RYR3: variants seen among roughly 807,000 people sequenced by gnomAD.
The protein encoded by RYR3 is brain ryanodine receptor-calcium release channel.
RYR3 carries 207 observed loss-of-function variants against 584.3 expected under a neutral mutation model. The ratio of observed to expected loss-of-function variants is 0.35; its 90% CI spans 0.32 to 0.40. The LOEUF (loss-of-function observed/expected upper bound fraction) is 0.40. Among genes scored for constraint, RYR3 ranks in the 10% least tolerant of loss-of-function variants. RYR3 has a pLI of 1.00. For synonymous variants in RYR3, 2,416 were observed against 2,248.5 expected, an observed-to-expected ratio of 1.07 and a Z score of -2.11; for missense variants, 5,616 against 6,089.2, an observed-to-expected ratio of 0.92 and a Z score of 2.59.
intron 65 of RYR3, 103 bp downstream of exon 65, chr15:33,780,444 G>C: frequency 8.0e-7 from 1 of 1,249,502 alleles, no homozygotes; most frequent in Non-Finnish European, 1.1e-6. Context: ...GGCTTTCTTG[G>C]TCTGAGAGGA....
chr15:33,504,959 G>A (rs183606094), intron 3 of RYR3, among the ~76,000 whole-genome samples: 62 of 152,308 alleles, frequency 4.1e-4, no homozygotes, highest in African/African-American at 1.5e-3. Context: ...CAAGTCTGTT[G>A]CTGGGACAAC....
At chr15:33,432,686 G>C (rs1236595633) in intron 1 of RYR3, among the ~76,000 whole-genome samples, 2 of 148,438 alleles carry the variant, frequency 1.3e-5, no homozygotes, top group Non-Finnish European at 3.0e-5. Context: ...GTGTGTGTGT[G>C]TGTGTGTGTG....
rs750516836 is a variant in RYR3 at position 33,649,197 on chromosome 15, T to A, written c.4104T>A (p.Thr1368=). 2 of 1,613,694 alleles carry A rather than the reference T, an allele frequency of 1.2e-6. No individual in the cohort carries two copies. Among genetic ancestry groups the A allele is most frequent in the Non-Finnish European group, 1.7e-6 (2 of 1,179,852 alleles). ...ACCTGAATAAAAACTGCACAGTGACTGTCACCCTAGGGGATGAAAGAGGCC... is the reference window on the plus strand; with the variant it reads ...ACCTGAATAAAAACTGCACAGTGACAGTCACCCTAGGGGATGAAAGAGGCC... ...KFDLNKNCTV[T]VTLGDERGRV... The change falls in exon 31 of 104, where the codon ACT becomes ACA. Residue 1368 remains threonine (T), a synonymous_variant. Transcript: ENST00000634891.
chr15:33,373,706 T>C (rs16970283), intron 1 of RYR3, among the ~76,000 whole-genome samples: 52,862 of 152,036 alleles, frequency 0.35, 9,443 homozygotes, highest in African/African-American at 0.44. Flanking sequence ...TGTATGTAAT[T>C]TTAGTAAAAG....
chr15:33,395,953 G>GA (rs1431433945), intron 1 of RYR3, among the ~76,000 whole-genome samples: 1 of 152,188 alleles, frequency 6.6e-6, no homozygotes, highest in Non-Finnish European at 1.5e-5. Flanking sequence ...ACTGCAGATG[G>GA]AAACCCACGC....
intron 12 of RYR3, among the ~76,000 whole-genome samples, chr15:33,574,469 G>T (rs680792): frequency 0.81 from 123,504 of 152,090 alleles, 50,539 homozygotes; most frequent in Middle Eastern, 0.94. Context: ...TCTAATAATA[G>T]CCCAGGTAGT....
chr15:33,464,411 A>G (rs966845578), intron 1 of RYR3, among the ~76,000 whole-genome samples: 10 of 147,956 alleles, frequency 6.8e-5, no homozygotes, highest in African/African-American at 1.7e-4. Flanking sequence ...ACCAGTATAG[A>G]TAAAACCAAG....
At chr15:33,578,785 C>A (rs200159368) in intron 12 of RYR3, among the ~76,000 whole-genome samples, 79 of 149,678 alleles carry the variant, frequency 5.3e-4, no homozygotes, top group African/African-American at 1.7e-3. Context: ...AAAACAACAA[C>A]AAAAAAAAAC....
Position 33,731,583 on chromosome 15 carries a change from G to C in RYR3, c.7313G>C (p.Cys2438Ser), listed in dbSNP as rs768708642. ...CCTCTCTTTGCCGGAACAGAACACT[G>C]CACCTCTCTGATTGATTCCACACTG... The part of the protein sequence containing the change: ...CAPLFAGTEH[C>S]TSLIDSTLQT... The change falls in exon 48 of 104, where the codon TGC (cysteine) becomes TCC (serine). Residue 2438 changes from cysteine to serine, a missense_variant. This residue lies in a region of RYR3 where 1,280 missense variants were observed against 1,426.2 expected (regional missense o/e 0.90). Transcript: ENST00000634891. 6.2e-7 allele frequency: 1 copy of C among 1,613,736 alleles called. No homozygotes were observed. Among genetic ancestry groups the C allele is most frequent in the East Asian group, 2.2e-5 (1 of 44,884 alleles).
At chr15:33,552,987 T>C (rs576032284) in intron 10 of RYR3, among the ~76,000 whole-genome samples, 1 of 152,230 alleles carries the variant, frequency 6.6e-6, no homozygotes, top group African/African-American at 2.4e-5. Context: ...CACTGAATCA[T>C]CTCGCCAGCC....
At chr15:33,768,794 A>G in intron 61 of RYR3, 87 bp downstream of exon 61, 1 of 1,324,060 alleles carries the variant, frequency 7.6e-7, no homozygotes. Flanking sequence ...TCCTCAGACA[A>G]CCCGGGCCTT....
intron 1 of RYR3, among the ~76,000 whole-genome samples, chr15:33,455,323 C>G (rs1384178695): frequency 1.9e-5 from 2 of 107,626 alleles, no homozygotes; most frequent in African/African-American, 8.5e-5. Context: ...GTCTAGAGGT[C>G]AGATAAGATG....
At chr15:33,646,191 C>T (rs2062092958) in intron 28 of RYR3, 160 bp from the exon 29 acceptor site, 4 of 600,878 alleles carry the variant, frequency 6.7e-6, no homozygotes, top group Non-Finnish European at 1.2e-5. Context: ...CGGGACAAGG[C>T]CCAAGTAATG....
At chr15:33,739,506 T>C (rs926512499) in intron 50 of RYR3, among the ~76,000 whole-genome samples, 2 of 145,032 alleles carry the variant, frequency 1.4e-5, no homozygotes, top group African/African-American at 5.2e-5. Context: ...GCAGACAAGT[T>C]TATAGTCACC....
At chr15:33,652,619 A>C (rs2062550319) in intron 31 of RYR3, 99 bp from the exon 32 acceptor site, 1 of 1,253,412 alleles carries the variant, frequency 8.0e-7, no homozygotes, top group East Asian at 2.5e-5. Flanking sequence ...CTTCCTAGGA[A>C]AGTTTCTGTA....
intron 90 of RYR3, 138 bp from the exon 91 acceptor site, chr15:33,841,726 A>G (rs1413540885): frequency 1.3e-6 from 1 of 775,202 alleles, no homozygotes; most frequent in Non-Finnish European, 2.0e-6. Context: ...GGATTGATAA[A>G]GACCTGAAGT....
rs1472034377 is a variant in RYR3, at chr15:33,757,749, C to T, written c.8705+153C>T. ...AGTTTCGAAAGAAACTATATTCATA[C>T]ATATCTGAATTATTTCAGCAACCAA... is the stretch of plus-strand genomic sequence containing the variant. On this transcript the variant is annotated intron_variant, in intron 60 of 103. Coordinates refer to ENST00000634891, the MANE Select transcript of RYR3 (RefSeq NM_001036.6). 20 of 783,666 alleles carry T rather than the reference C, an allele frequency of 2.6e-5. No individual in the cohort carries two copies. The Admixed American group carries it at 5.1e-4, about 20-fold the overall frequency. 48.5% of individuals were successfully genotyped at this position (783,666 alleles called of 1,614,324 possible).
chr15:33,469,143 C>G (rs1349768937), intron 1 of RYR3, among the ~76,000 whole-genome samples: 1 of 152,046 alleles, frequency 6.6e-6, no homozygotes, highest in Non-Finnish European at 1.5e-5. Context: ...ATTCAGAGAT[C>G]AGAGAGATTA....
chr15:33,339,225 T>A (rs537259765), intron 1 of RYR3, among the ~76,000 whole-genome samples: 1 of 152,334 alleles, frequency 6.6e-6, no homozygotes, highest in South Asian at 2.1e-4. Flanking sequence ...TGGCTGCTAC[T>A]GCAGCCTGCT....
Sources: allele counts gnomAD v4.1 joint callset (sites outside exome capture counted in the v4.1 genomes callset), GRCh38; gene constraint gnomAD v4.1.1; regional missense constraint gnomAD v4.1.1; transcripts MANE v1.5; gene names NCBI Gene and HGNC (gene_info 2026-07-23, HGNC 2026-07-21).